LRBA: variants seen among roughly 807,000 people sequenced by gnomAD.
The protein encoded by LRBA is lipopolysaccharide-responsive and beige-like anchor protein.
Under a neutral mutation model 330.0 loss-of-function variants are expected in LRBA, and 176 were observed. The ratio of observed to expected loss-of-function variants is 0.53; its 90% confidence interval spans 0.47 to 0.60. LRBA has a LOEUF of 0.60. Ranked by LOEUF, LRBA falls within the 20% of genes least tolerant of loss-of-function variation. The pLI, the probability that LRBA is intolerant of heterozygous loss-of-function variation, is 0.00. For synonymous variants in LRBA, 1,230 were observed against 1,193.0 expected (o/e 1.03, Z -0.64); for missense variants, 3,259 against 3,444.8 (o/e 0.95, Z 1.35).
intron 37 of LRBA, among the ~76,000 whole-genome samples, chr4:150,648,011 T>G (rs68016242): frequency 6.6e-6 from 1 of 150,788 alleles, no homozygotes; most frequent in Non-Finnish European, 1.5e-5. Context: ...GTTCTGAGAA[T>G]AGCAGGTATT....
intron 40 of LRBA, chr4:150,584,108 A>G (rs1377969705): frequency 6.5e-7 from 1 of 1,537,484 alleles, no homozygotes; most frequent in Non-Finnish European, 8.8e-7. Context: ...GACAAACTAT[A>G]GGGTGCTGGG....
intron 40 of LRBA, among the ~76,000 whole-genome samples, chr4:150,550,470 C>T (rs936490126): frequency 1.3e-5 from 2 of 152,130 alleles, no homozygotes; most frequent in African/African-American, 2.4e-5. Context: ...TGAGTATTTA[C>T]TATTTTGAGA....
intron 40 of LRBA, among the ~76,000 whole-genome samples, chr4:150,519,831 C>T (rs953222768): frequency 6.6e-6 from 1 of 152,142 alleles, no homozygotes; most frequent in East Asian, 1.9e-4. Flanking sequence ...GATAGGAGTT[C>T]CAGTTCCTAC....
At chr4:150,787,132 T>C (rs1364709702) in intron 34 of LRBA, among the ~76,000 whole-genome samples, 3 of 151,602 alleles carry the variant, frequency 2.0e-5, no homozygotes, top group African/African-American at 7.3e-5. Flanking sequence ...CTGGGGAGGC[T>C]GAGGCGGGAA....
intron 37 of LRBA, among the ~76,000 whole-genome samples, chr4:150,648,952 C>T (rs1418090287): frequency 6.6e-6 from 1 of 152,052 alleles, no homozygotes; most frequent in African/African-American, 2.4e-5. Flanking sequence ...TAATCTGGCC[C>T]CCACTTTCTC....
At chr4:150,296,312 G>C (rs964473060) in intron 53 of LRBA, among the ~76,000 whole-genome samples, 36 of 152,076 alleles carry the variant, frequency 2.4e-4, no homozygotes, top group African/African-American at 8.4e-4. Context: ...AAAGTTACAA[G>C]CTACAAGAAT....
intron 37 of LRBA, among the ~76,000 whole-genome samples, chr4:150,615,687 C>T (rs1482509755): frequency 6.6e-6 from 1 of 152,016 alleles, no homozygotes; most frequent in African/African-American, 2.4e-5. Flanking sequence ...TTCAGGGTGC[C>T]TATTAGAAAT....
chr4:150,303,964 C>G (rs563366337), intron 52 of LRBA, among the ~76,000 whole-genome samples: 2 of 152,142 alleles, frequency 1.3e-5, no homozygotes, highest in African/African-American at 4.8e-5. Context: ...GTGACAGACC[C>G]CCATTCCATC....
intron 51 of LRBA, chr4:150,311,379 A>G (rs147940093): frequency 6.6e-6 from 1 of 152,334 alleles, no homozygotes; most frequent in East Asian, 1.9e-4. Context: ...TTTTCACCAT[A>G]ATTTTCAATT....
intron 34 of LRBA, among the ~76,000 whole-genome samples, chr4:150,789,252 C>T (rs1217404767): frequency 1.3e-5 from 2 of 152,018 alleles, no homozygotes; most frequent in Non-Finnish European, 2.9e-5. Flanking sequence ...ACTAGAAAAC[C>T]AAATAAATTG....
intron 2 of LRBA, among the ~76,000 whole-genome samples, chr4:150,948,712 A>G (rs1420732394): frequency 6.6e-6 from 1 of 152,028 alleles, no homozygotes; most frequent in African/African-American, 2.4e-5. Flanking sequence ...ATATCTGACA[A>G]AAGAATAATA....
chr4:150,670,369 A>C (rs1193089020), intron 37 of LRBA, among the ~76,000 whole-genome samples: 2 of 152,352 alleles, frequency 1.3e-5, no homozygotes, highest in East Asian at 3.9e-4. Flanking sequence ...TACTGTCAAT[A>C]TTATAATGTT....
At chr4:150,291,877 G>A (rs1011120091) in intron 53 of LRBA, among the ~76,000 whole-genome samples, 2 of 152,102 alleles carry the variant, frequency 1.3e-5, no homozygotes, top group South Asian at 4.2e-4. Flanking sequence ...TATACACCAT[G>A]GAATACTATG....
intron 36 of LRBA, among the ~76,000 whole-genome samples, chr4:150,684,363 T>C (rs13103081): frequency 0.71 from 108,230 of 152,024 alleles, 43,080 homozygotes; most frequent in Non-Finnish European, 0.9. Context: ...TGTTTGGTCT[T>C]TTAAGTCCTA....
intron 37 of LRBA, among the ~76,000 whole-genome samples, chr4:150,608,029 C>T (rs896183346): frequency 4.6e-5 from 7 of 151,786 alleles, no homozygotes; most frequent in Admixed American, 2.0e-4. Context: ...AGAAAGACTC[C>T]GTCTCAGGAA....
rs147214847 is a variant in LRBA at position 150,682,393 on chromosome 4, T to C, written c.5921+1158A>G. 7.7e-3 allele frequency among the ~76,000 whole-genome samples: 1,178 copies of C among 152,272 alleles called. 12 individuals carry two copies. The highest frequency in any genetic ancestry group is 0.027 in the African/African-American group (1,124 of 41,560). ...CACCTGCAGATCAACTGAAATAACA[T>C]TAAAACAAACAAACAAACATGGTTC... On this transcript the variant is annotated intron_variant, in intron 37 of 56. Coordinates refer to ENST00000651943, the MANE Select transcript of LRBA (RefSeq NM_001364905.1).
chr4:150,542,697 G>A (rs550426544), intron 40 of LRBA, among the ~76,000 whole-genome samples: 1 of 152,266 alleles, frequency 6.6e-6, no homozygotes, highest in East Asian at 1.9e-4. Flanking sequence ...ATAAGGCATT[G>A]ATGATGCTAG....
chr4:150,816,705 A>AT (rs71596233), intron 31 of LRBA, among the ~76,000 whole-genome samples: 25 of 149,856 alleles, frequency 1.7e-4, no homozygotes, highest in African/African-American at 4.1e-4. Flanking sequence ...CTATATAAAT[A>AT]TTTTTTTTTT....
At chr4:150,727,073 T>TA (rs1039931409) in intron 36 of LRBA, among the ~76,000 whole-genome samples, 10 of 131,562 alleles carry the variant, frequency 7.6e-5, no homozygotes, top group Non-Finnish European at 1.6e-4. Flanking sequence ...CGTTGTTTTT[T>TA]TTTTTTTTTT....
Sources: gnomAD v4.1 joint callset for allele counts (sites outside exome capture counted in the v4.1 genomes callset) on GRCh38, gnomAD v4.1.1 for gene constraint, MANE v1.5 for transcripts, NCBI Gene and HGNC (gene_info 2026-07-23, HGNC 2026-07-21) for gene names.